Variants in RBKS observed in about 807,000 individuals in gnomAD.
RBKS encodes the protein ribokinase.
Under a neutral mutation model 33.9 loss-of-function variants are expected in RBKS, and 33 were observed. The observed-to-expected ratio is 0.97, with a 90% CI of 0.74 to 1.30. The LOEUF (loss-of-function observed/expected upper bound fraction) is 1.30. Ranked by LOEUF, RBKS falls within the 50% of genes most tolerant of loss-of-function variation. The pLI, the probability that RBKS is intolerant of heterozygous loss-of-function variation, is 0.00. For synonymous variants in RBKS, 125 were observed against 143.0 expected, an observed-to-expected ratio of 0.87 and a Z score of 0.90; for missense variants, 361 against 392.6, an observed-to-expected ratio of 0.92 and a Z score of 0.68.
chr2:27,883,202 T>C (rs1664454143), intron 1 of RBKS, among the ~76,000 whole-genome samples: 1 of 123,730 alleles, frequency 8.1e-6, no homozygotes, highest in African/African-American at 3.6e-5. Context: ...GCAGTATTCT[T>C]TTTTTTTTTT....
At chr2:27,886,549 T>C (rs941347437) in intron 1 of RBKS, among the ~76,000 whole-genome samples, 2 of 151,996 alleles carry the variant, frequency 1.3e-5, no homozygotes, top group Non-Finnish European at 2.9e-5. Flanking sequence ...TAAACACTAG[T>C]CAGAGTTAGA....
intron 5 of RBKS, among the ~76,000 whole-genome samples, chr2:27,838,107 T>G (rs1484895504): frequency 6.6e-6 from 1 of 152,002 alleles, no homozygotes; most frequent in African/African-American, 2.4e-5. Flanking sequence ...GGCTGAGGCA[T>G]AAGAATCACT....
rs1677656115 is a variant in RBKS at position 27,795,813 on chromosome 2, T to C, written c.796-14025A>G. Among the ~76,000 whole-genome samples, 2 of 152,236 alleles carry C rather than the reference T, an allele frequency of 1.3e-5. No individual in the cohort carries two copies. Among genetic ancestry groups the C allele is most frequent in the Admixed American group, 1.3e-4 (2 of 15,286 alleles). On this transcript the variant is annotated intron_variant, in intron 7 of 7. Transcript: ENST00000302188. The surrounding 1 kb of genome is among the most constrained non-coding windows in gnomAD (Gnocchi z 4.1). ...AGAGTCTCCCTCCCTTTTGACATCC[T>C]GTAATCCCTTTGTATTTCTCTTAGG...
chr2:27,885,540 ACTATTC>A (rs1664510700), intron 1 of RBKS, among the ~76,000 whole-genome samples: 1 of 152,122 alleles, frequency 6.6e-6, no homozygotes, highest in East Asian at 1.9e-4. Context: ...CTTTGAGTAC[ACTATTC>A]CTTCTGCCTG....
chr2:27,782,299 A>G (rs535886602), intron 7 of RBKS, among the ~76,000 whole-genome samples: 1 of 152,192 alleles, frequency 6.6e-6, no homozygotes, highest in Admixed American at 6.5e-5. Flanking sequence ...CTCCTGCTTC[A>G]GCATCCCAAG....
In RBKS at chr2:27,793,435, CAAT is replaced by C. The variant is rs558273697; in HGVS notation, c.796-11650_796-11648del. On this transcript the variant is annotated intron_variant, in intron 7 of 7. Coordinates refer to ENST00000302188, the MANE Select transcript of RBKS (RefSeq NM_022128.3). The stretch of plus-strand genomic sequence containing the variant: ...ACCAAGTGACCAACAGTAGCATCAC[CAAT>C]AAGAAGACAAACTGACACCACTGCT... Among the ~76,000 whole-genome samples, 34 of 152,290 alleles carry C rather than the reference CAAT, an allele frequency of 2.2e-4. No individual in the cohort carries two copies. The South Asian group carries it at 6.6e-3, about 30-fold the overall frequency.
chr2:27,786,760 G>A (rs1311779066), intron 7 of RBKS, among the ~76,000 whole-genome samples: 3 of 147,424 alleles, frequency 2.0e-5, no homozygotes, highest in Admixed American at 1.4e-4. Context: ...TCGCCTGGGC[G>A]ACAGAGTGAG....
chr2:27,844,282 A>C (rs550475701), intron 4 of RBKS, among the ~76,000 whole-genome samples: 1 of 146,174 alleles, frequency 6.8e-6, no homozygotes, highest in African/African-American at 2.6e-5. Flanking sequence ...AAAAAAAAAG[A>C]AATGTGGCTA....
chr2:27,844,724 A>G (rs1487995392), intron 4 of RBKS, among the ~76,000 whole-genome samples: 1 of 152,206 alleles, frequency 6.6e-6, no homozygotes. Flanking sequence ...ACACACTGTA[A>G]TGATAATATT....
chr2:27,855,281 A>G (rs1663834391), intron 2 of RBKS, among the ~76,000 whole-genome samples: 2 of 152,270 alleles, frequency 1.3e-5, no homozygotes, highest in Non-Finnish European at 2.9e-5. Flanking sequence ...TTTGAAGGAT[A>G]GTTTGATAGT....
chr2:27,890,104 G>A lies in RBKS; in HGVS notation c.89+153C>T. On this transcript the variant is annotated intron_variant, in intron 1 of 7. Coordinates refer to ENST00000302188, the MANE Select transcript of RBKS (RefSeq NM_022128.3). This position sits in a 1 kb window ranked among gnomAD's most constrained non-coding sequence, Gnocchi z 4.8. ...TACTCAAGTTCTTTCATGCCAGGAA[G>A]GTAGGCTGAAGGCTTCGAAAACCTG... 2 of 622,120 alleles carry A rather than the reference G, an allele frequency of 3.2e-6. No homozygotes were observed. Among genetic ancestry groups the A allele is most frequent in the Non-Finnish European group, 5.6e-6 (2 of 357,248 alleles). The allele number at this position is 622,120 out of a possible 1,614,324, so 38.5% of individuals were successfully genotyped here. A position where few individuals can be genotyped will look rare whatever the true frequency, so the allele number is the denominator to read the frequency against.
chr2:27,888,443 C>A (rs933870418), intron 1 of RBKS, among the ~76,000 whole-genome samples: 5 of 152,166 alleles, frequency 3.3e-5, no homozygotes, highest in Non-Finnish European at 5.9e-5. Flanking sequence ...AGTTTTCTTA[C>A]TCTTCTGCCA....
chr2:27,860,309 G>C (rs558707492), intron 1 of RBKS, among the ~76,000 whole-genome samples: 1 of 152,322 alleles, frequency 6.6e-6, no homozygotes, highest in East Asian at 1.9e-4. Context: ...ATTCTGTTAT[G>C]AACAGGCAAT....
At chr2:27,816,388 A>G (rs1270846215) in intron 7 of RBKS, among the ~76,000 whole-genome samples, 1 of 152,182 alleles carries the variant, frequency 6.6e-6, no homozygotes, top group Non-Finnish European at 1.5e-5. Context: ...CCTTACAGTC[A>G]GTGAACAACT....
intron 7 of RBKS, among the ~76,000 whole-genome samples, chr2:27,801,464 TACACACACACACACACAC>T (rs56063622): frequency 1.5e-5 from 2 of 136,260 alleles, no homozygotes; most frequent in African/African-American, 2.8e-5. Context: ...GGCCACAGTA[TACACACACACACACACAC>T]ACACACACAC....
At chr2:27,824,467 G>GAATCAT (rs1336433645) in intron 7 of RBKS, among the ~76,000 whole-genome samples, 8 of 152,064 alleles carry the variant, frequency 5.3e-5, no homozygotes, top group African/African-American at 1.9e-4. Flanking sequence ...CATTTAAATG[G>GAATCAT]AATCATATAA....
chr2:27,799,686 C>T (rs1214920588), intron 7 of RBKS, among the ~76,000 whole-genome samples: 3 of 152,316 alleles, frequency 2.0e-5, no homozygotes, highest in African/African-American at 7.2e-5. Context: ...TGTTACCTCC[C>T]ACCACCATAC....
intron 7 of RBKS, among the ~76,000 whole-genome samples, chr2:27,784,205 G>A (rs74327441): frequency 0.23 from 34,183 of 150,520 alleles, 4,531 homozygotes; most frequent in East Asian, 0.58. Flanking sequence ...GGATGGTCTC[G>A]ATCTCCTGAC....
At chr2:27,814,016 GA>G (rs1410350027) in intron 7 of RBKS, among the ~76,000 whole-genome samples, 1 of 151,816 alleles carries the variant, frequency 6.6e-6, no homozygotes, top group African/African-American at 2.4e-5. Context: ...AGCCAGGAAG[GA>G]GTATAAGACA....
Sources: allele counts gnomAD v4.1 joint callset (sites outside exome capture counted in the v4.1 genomes callset), GRCh38; gene constraint gnomAD v4.1.1; non-coding constraint Gnocchi (gnomAD v3.1); transcripts MANE v1.5; gene names NCBI Gene and HGNC (gene_info 2026-07-23, HGNC 2026-07-21).